SARNP: variants seen among roughly 807,000 people sequenced by gnomAD.
SARNP encodes SAP domain-containing ribonucleoprotein.
In SARNP, 5 loss-of-function variants were observed where a neutral mutation model predicts 38.1. The observed-to-expected ratio is 0.13, with a 90% CI of 0.07 to 0.28. SARNP has a LOEUF of 0.28. Ranked by LOEUF, SARNP falls within the 10% of genes least tolerant of loss-of-function variation. SARNP has a pLI of 1.00. For synonymous variants in SARNP, 84 were observed against 80.6 expected (o/e 1.04, Z -0.23); for missense variants, 180 against 243.9 (o/e 0.74, Z 1.75).
At chr12:55,764,954 G>A (rs989316659) in intron 9 of SARNP, among the ~76,000 whole-genome samples, 3 of 151,906 alleles carry the variant, frequency 2.0e-5, no homozygotes, top group African/African-American at 4.8e-5. Flanking sequence ...AAGTGAATAC[G>A]GAATATAAAT....
At chr12:55,779,858 T>G (rs1040529580) in intron 9 of SARNP, among the ~76,000 whole-genome samples, 2 of 151,974 alleles carry the variant, frequency 1.3e-5, no homozygotes, top group Non-Finnish European at 2.9e-5. Flanking sequence ...AATAATGAAA[T>G]AGAACAGGCC....
At chr12:55,811,133 T>C (rs963737712) in intron 1 of SARNP, among the ~76,000 whole-genome samples, 14 of 151,980 alleles carry the variant, frequency 9.2e-5, no homozygotes, top group Non-Finnish European at 1.6e-4. Context: ...ATATAGTTTG[T>C]AAATTCTTTG....
chr12:55,770,684 T>C (rs1202363380), intron 9 of SARNP, among the ~76,000 whole-genome samples: 1 of 152,202 alleles, frequency 6.6e-6, no homozygotes, highest in Admixed American at 6.5e-5. Context: ...GTCTGTTCCC[T>C]TTTTACAGCA....
At chr12:55,775,589 A>G (rs1328761207) in intron 9 of SARNP, among the ~76,000 whole-genome samples, 1 of 151,962 alleles carries the variant, frequency 6.6e-6, no homozygotes, top group Non-Finnish European at 1.5e-5. Context: ...AGAGTAGCAA[A>G]GGAAGGGGAG....
intron 1 of SARNP, among the ~76,000 whole-genome samples, chr12:55,817,199 A>T (rs1880516418): frequency 6.6e-6 from 1 of 152,104 alleles, no homozygotes; most frequent in South Asian, 2.1e-4. Flanking sequence ...GTATTTTCTG[A>T]GTGTCTGGTA....
At position 55,757,745 on chromosome 12, in the gene SARNP, G is replaced by A. The variant is rs543872666; in HGVS notation, c.592-192C>T. Among the ~76,000 whole-genome samples, 5 of 152,274 alleles carry A rather than the reference G, an allele frequency of 3.3e-5. No homozygotes were observed. The South Asian group carries it at 1.0e-3, about 32-fold the overall frequency. ...CCTTCCAGTTATCCAGTAGGAGCTG[G>A]AAAGTTTAATGGGTAAGGAGGGTGA... On this transcript the variant is annotated intron_variant, in intron 10 of 10. Transcript: ENST00000336133.
At chr12:55,771,106 T>C (rs1467710901) in intron 9 of SARNP, among the ~76,000 whole-genome samples, 1 of 152,000 alleles carries the variant, frequency 6.6e-6, no homozygotes, top group Non-Finnish European at 1.5e-5. Context: ...CCTGGCTGTT[T>C]TTTGTTTGTT....
intron 1 of SARNP, 69 bp downstream of exon 1, chr12:55,817,597 G>A: frequency 6.8e-7 from 1 of 1,461,766 alleles, no homozygotes; most frequent in Non-Finnish European, 9.4e-7. Context: ...CGTAGGAGAA[G>A]GCGCAAGCTA....
At chr12:55,796,289 T>C (rs764007073) in intron 4 of SARNP, among the ~76,000 whole-genome samples, 1 of 152,230 alleles carries the variant, frequency 6.6e-6, no homozygotes, top group Non-Finnish European at 1.5e-5. Context: ...TAAGCTTCTT[T>C]AGCTAAAGTA....
downstream of SARNP, chr12:55,754,724 T>G (rs1878449702): frequency 6.6e-6 from 1 of 152,220 alleles, no homozygotes; most frequent in South Asian, 2.1e-4. Context: ...GTAAGCAAAT[T>G]GTAGTGTGAA....
chr12:55,761,722 T>G (rs920011016), intron 9 of SARNP: 3 of 152,228 alleles, frequency 2.0e-5, no homozygotes, highest in African/African-American at 7.2e-5. Context: ...CTTTAACAGT[T>G]ATTTTCTCTT....
chr12:55,772,509 G>A (rs1284570741), intron 9 of SARNP, among the ~76,000 whole-genome samples: 4 of 151,962 alleles, frequency 2.6e-5, no homozygotes, highest in East Asian at 1.9e-4. Context: ...AGAGGAGGTC[G>A]TTTCGGTCTT....
intron 9 of SARNP, among the ~76,000 whole-genome samples, chr12:55,765,386 C>A (rs1264392676): frequency 6.6e-6 from 1 of 152,164 alleles, no homozygotes; most frequent in African/African-American, 2.4e-5. Context: ...CACTCTGTTG[C>A]CATGCTGTCG....
rs181141541 is a variant in SARNP at position 55,788,251 on chromosome 12, T to C, written c.501+824A>G. 2.2e-3 allele frequency among the ~76,000 whole-genome samples: 334 copies of C among 152,192 alleles called. 2 individuals carry two copies. The highest frequency in any genetic ancestry group is 0.01 in the Middle Eastern group (3 of 294). Reference sequence around the variant, plus strand: ...GCCCTGGGGAACCAATCACCCCACATAGCATGAAGTAAACAAAGTCATCTT... The same window carrying C: ...GCCCTGGGGAACCAATCACCCCACACAGCATGAAGTAAACAAAGTCATCTT... On this transcript the variant is annotated intron_variant, in intron 9 of 10. Transcript: ENST00000336133.
chr12:55,769,243 A>C (rs1878936084), intron 9 of SARNP, among the ~76,000 whole-genome samples: 1 of 152,154 alleles, frequency 6.6e-6, no homozygotes, highest in Non-Finnish European at 1.5e-5. Context: ...TTCAATCAAC[A>C]TTTTCAATAG....
At chr12:55,780,724 C>T (rs1288015680) in intron 9 of SARNP, among the ~76,000 whole-genome samples, 10 of 151,868 alleles carry the variant, frequency 6.6e-5, no homozygotes, top group Non-Finnish European at 1.5e-4. Flanking sequence ...TGCATTAGGG[C>T]CAATATTAAG....
At position 55,817,674 on chromosome 12, in the gene SARNP, T is replaced by G; in HGVS notation, c.28A>C (p.Lys10Gln). The stretch of plus-strand genomic sequence containing the variant: ...TCCCCGATTCACGGTACCTTTAGCT[T>G]ATGGAGCTCCACCGTCTCGGTCGCC... The part of the protein sequence containing the change: MATETVELH[K>Q]LKLAELKQEC... Residue 10 changes from lysine to glutamine, a missense_variant, in exon 1 of 11, where the codon AAG becomes CAG. Physicochemically the swap from Lys to Gln is moderately conservative, Grantham distance 53. Transcript: ENST00000336133. 1 of 1,612,292 alleles carries G rather than the reference T, an allele frequency of 6.2e-7. No homozygotes were observed. The highest frequency in any genetic ancestry group is 8.5e-7 in the Non-Finnish European group (1 of 1,179,250).
rs11171680 is a variant in SARNP at position 55,794,827 on chromosome 12, C to T, written c.357G>A (p.Lys119=). 9.9e-6 allele frequency: 16 copies of T among 1,612,360 alleles called. No homozygotes were observed. The African/African-American group carries it at 1.6e-4, about 16-fold the overall frequency. Residue 119 remains lysine, a synonymous_variant, in exon 6 of 11, where the codon AAG becomes AAA. Transcript: ENST00000336133. The part of the protein sequence containing the change: ...RFNVPVSLES[K]KAARAARFGI... The stretch of plus-strand genomic sequence containing the variant: ...CTCACCTAGCTGCCCGAGCAGCTTT[C>T]TTACTCTCCAAGCTCACAGGTACAT...
downstream of SARNP, chr12:55,756,723 T>A (rs996738847): frequency 6.6e-6 from 1 of 152,246 alleles, no homozygotes; most frequent in Non-Finnish European, 1.5e-5. Flanking sequence ...TAGCTAACAA[T>A]GCGTAACAGC....
Sources: gnomAD v4.1 joint callset for allele counts (sites outside exome capture counted in the v4.1 genomes callset) on GRCh38, gnomAD v4.1.1 for gene constraint, MANE v1.5 for transcripts, NCBI Gene and HGNC (gene_info 2026-07-23, HGNC 2026-07-21) for gene names.